PCDH9: variants seen among roughly 807,000 people sequenced by gnomAD.
The protein encoded by PCDH9 is protocadherin 9, also known as protocadherin-9.
Under a neutral mutation model 70.6 loss-of-function variants are expected in PCDH9, and 24 were observed. The ratio of observed to expected loss-of-function variants is 0.34; its 90% CI spans 0.25 to 0.48. PCDH9 has a LOEUF of 0.48. PCDH9 is among the 20% of genes least tolerant of loss of function. The probability of loss-of-function intolerance (pLI) is 0.99; values close to 1 mark genes in which losing one functional copy is unlikely to be tolerated. For missense variants in PCDH9, 1,281 were observed against 1,503.6 expected, an observed-to-expected ratio of 0.85 and a Z score of 2.45; for synonymous variants, 562 against 558.5, an observed-to-expected ratio of 1.01 and a Z score of -0.09.
chr13:66,690,598 G>A (rs1237713821), intron 3 of PCDH9, among the ~76,000 whole-genome samples: 5 of 152,140 alleles, frequency 3.3e-5, no homozygotes, highest in Non-Finnish European at 5.9e-5. Context: ...CATAGCACAC[G>A]TGGTATGTCA....
intron 4 of PCDH9, among the ~76,000 whole-genome samples, chr13:66,335,343 G>C (rs1956019510): frequency 6.6e-6 from 1 of 152,014 alleles, no homozygotes; most frequent in South Asian, 2.1e-4. Flanking sequence ...AGCTTGCTCT[G>C]ACATTTTCTA....
intron 4 of PCDH9, among the ~76,000 whole-genome samples, chr13:66,516,823 C>T (rs754162679): frequency 3.3e-5 from 5 of 152,010 alleles, no homozygotes; most frequent in Non-Finnish European, 5.9e-5. Flanking sequence ...TTGTCCTCCT[C>T]ATCAAAACCT....
intron 4 of PCDH9, among the ~76,000 whole-genome samples, chr13:66,620,288 G>A (rs2077405762): frequency 1.3e-5 from 2 of 151,984 alleles, no homozygotes; most frequent in Admixed American, 6.6e-5. Flanking sequence ...CTGTGTTTCA[G>A]GCCCTTTAAT....
At chr13:66,837,438 G>A (rs771209039) in intron 3 of PCDH9, among the ~76,000 whole-genome samples, 1 of 152,044 alleles carries the variant, frequency 6.6e-6, no homozygotes, top group Admixed American at 6.6e-5. Context: ...ACGGTGGAGC[G>A]GGAGCAGCCT....
At chr13:67,052,764 C>T (rs2085346525) in intron 2 of PCDH9, among the ~76,000 whole-genome samples, 1 of 151,902 alleles carries the variant, frequency 6.6e-6, no homozygotes, top group South Asian at 2.1e-4. Context: ...GCAGAAAGAA[C>T]CGATTTATTC....
At chr13:66,846,517 C>T (rs1566236645) in intron 3 of PCDH9, among the ~76,000 whole-genome samples, 1 of 151,956 alleles carries the variant, frequency 6.6e-6, no homozygotes, top group African/African-American at 2.4e-5. Context: ...TTTTTAAAAA[C>T]TGTATTTTTA....
intron 2 of PCDH9, among the ~76,000 whole-genome samples, chr13:67,174,686 A>ATTT (rs2088399019): frequency 6.6e-6 from 1 of 152,132 alleles, no homozygotes; most frequent in East Asian, 1.9e-4. Flanking sequence ...TAAATTTATA[A>ATTT]AGAACCAAAG....
intron 2 of PCDH9, among the ~76,000 whole-genome samples, chr13:67,159,780 C>G (rs73509467): frequency 1.3e-3 from 197 of 152,126 alleles, no homozygotes; most frequent in African/African-American, 4.6e-3. Flanking sequence ...AAGAACAAAA[C>G]GAACCTGACA....
At chr13:66,993,180 A>T (rs929244531) in intron 2 of PCDH9, among the ~76,000 whole-genome samples, 3 of 152,188 alleles carry the variant, frequency 2.0e-5, no homozygotes, top group Non-Finnish European at 4.4e-5. Flanking sequence ...CTTAGTTTTT[A>T]TGTCATGGAA....
chr13:66,382,783 C>A (rs1397009246), intron 4 of PCDH9, among the ~76,000 whole-genome samples: 2 of 152,120 alleles, frequency 1.3e-5, no homozygotes, highest in Non-Finnish European at 2.9e-5. Flanking sequence ...GTAATCCTAG[C>A]ACTTTGGAAG....
chr13:66,340,152 T>C (rs1190985683), intron 4 of PCDH9, among the ~76,000 whole-genome samples: 1 of 152,230 alleles, frequency 6.6e-6, no homozygotes, highest in Non-Finnish European at 1.5e-5. Flanking sequence ...GGCAGAATAT[T>C]ATTTTCAAAT....
chr13:66,907,449 T>C (rs901636900), intron 2 of PCDH9, among the ~76,000 whole-genome samples: 2 of 152,146 alleles, frequency 1.3e-5, no homozygotes, highest in African/African-American at 4.8e-5. Flanking sequence ...CAGTTTGCTA[T>C]TTTTCATCAC....
At chr13:66,357,369 T>C (rs1279476793) in intron 4 of PCDH9, among the ~76,000 whole-genome samples, 1 of 152,080 alleles carries the variant, frequency 6.6e-6, no homozygotes, top group African/African-American at 2.4e-5. Context: ...TTCTTCAGGG[T>C]AACATCAGGG....
At chr13:66,837,156 A>C (rs2081036044) in intron 3 of PCDH9, among the ~76,000 whole-genome samples, 1 of 152,190 alleles carries the variant, frequency 6.6e-6, no homozygotes, top group Admixed American at 6.5e-5. Context: ...TGCACTTTTG[A>C]GGTATACTGT....
intron 2 of PCDH9, among the ~76,000 whole-genome samples, chr13:67,159,983 A>T (rs894751182): frequency 1.3e-5 from 2 of 152,160 alleles, no homozygotes; most frequent in Admixed American, 6.5e-5. Context: ...GAAACTCCTG[A>T]TATGAACTTG....
chr13:66,915,910 G>C (rs912432424), intron 2 of PCDH9, among the ~76,000 whole-genome samples: 1 of 151,570 alleles, frequency 6.6e-6, no homozygotes, highest in Non-Finnish European at 1.5e-5. Flanking sequence ...CTTGGAAACA[G>C]GGCTTGAAAA....
At chr13:66,998,362 T>C (rs921642476) in intron 2 of PCDH9, among the ~76,000 whole-genome samples, 4 of 152,222 alleles carry the variant, frequency 2.6e-5, no homozygotes, top group Non-Finnish European at 5.9e-5. Flanking sequence ...GGTCTTCAAC[T>C]ACCACACATG....
chr13:66,700,523 C>A (rs1256913592), intron 3 of PCDH9, among the ~76,000 whole-genome samples: 1 of 152,094 alleles, frequency 6.6e-6, no homozygotes, highest in Non-Finnish European at 1.5e-5. Context: ...TGTTTTACTG[C>A]AAGCTCTGAA....
chr13:66,647,171 C>T (rs2077782732), intron 3 of PCDH9, among the ~76,000 whole-genome samples: 1 of 152,118 alleles, frequency 6.6e-6, no homozygotes, highest in Admixed American at 6.6e-5. Context: ...GCTTGAAGCC[C>T]AGTGGACTTG....
Sources: gnomAD v4.1 joint callset for allele counts (sites outside exome capture counted in the v4.1 genomes callset) on GRCh38, gnomAD v4.1.1 for gene constraint, MANE v1.5 for transcripts, NCBI Gene and HGNC (gene_info 2026-07-23, HGNC 2026-07-21) for gene names.